Variants in KCNQ5 observed in about 807,000 individuals in gnomAD.
KCNQ5 encodes potassium voltage-gated channel subfamily KQT member 5.
Under a neutral mutation model 98.2 loss-of-function variants are expected in KCNQ5, and 30 were observed. The ratio of observed to expected loss-of-function variants is 0.31; its 90% CI spans 0.23 to 0.41. KCNQ5 has a LOEUF of 0.41. KCNQ5 is among the 10% of genes least tolerant of loss of function. KCNQ5 has a pLI of 1.00. For missense variants in KCNQ5, 835 were observed against 1,182.5 expected (o/e 0.71, Z 4.31); for synonymous variants, 458 against 449.4 (o/e 1.02, Z -0.24).
At chr6:73,075,433 G>A (rs1773493509) in intron 3 of KCNQ5, among the ~76,000 whole-genome samples, 1 of 152,104 alleles carries the variant, frequency 6.6e-6, no homozygotes, top group Non-Finnish European at 1.5e-5. Flanking sequence ...ATGTTGGCCA[G>A]GATGGTCTCG....
intron 5 of KCNQ5, among the ~76,000 whole-genome samples, chr6:73,088,481 T>C (rs1774085760): frequency 6.6e-6 from 1 of 152,220 alleles, no homozygotes; most frequent in African/African-American, 2.4e-5. Context: ...CTTCTCTGAC[T>C]TTCCTTTCCC....
intron 1 of KCNQ5, among the ~76,000 whole-genome samples, chr6:72,746,392 T>C (rs1771410049): frequency 6.6e-6 from 1 of 152,132 alleles, no homozygotes; most frequent in Non-Finnish European, 1.5e-5. Context: ...ATTTTCTCCG[T>C]GCAACTTGTT....
At chr6:73,004,894 G>A (rs1484466774) in intron 2 of KCNQ5, among the ~76,000 whole-genome samples, 1 of 152,188 alleles carries the variant, frequency 6.6e-6, no homozygotes, top group African/African-American at 2.4e-5. Flanking sequence ...ATAAGCAGAG[G>A]TTGGTTATGT....
At chr6:72,690,414 C>A (rs1471158752) in intron 1 of KCNQ5, among the ~76,000 whole-genome samples, 1 of 152,092 alleles carries the variant, frequency 6.6e-6, no homozygotes, top group Non-Finnish European at 1.5e-5. Context: ...GGTTCCCACT[C>A]TTCTCTTTGC....
chr6:72,998,594 G>A (rs771518528), intron 1 of KCNQ5, among the ~76,000 whole-genome samples: 3 of 151,936 alleles, frequency 2.0e-5, no homozygotes, highest in Non-Finnish European at 2.9e-5. Flanking sequence ...AGCATTAGCC[G>A]GGCTTGGTGG....
intron 10 of KCNQ5, chr6:73,135,244 G>A (rs1776415868): frequency 1.3e-5 from 2 of 151,788 alleles, no homozygotes; most frequent in African/African-American, 2.4e-5. Context: ...TGTATCTATA[G>A]GAACAAGTCT....
intron 1 of KCNQ5, among the ~76,000 whole-genome samples, chr6:72,833,180 T>C (rs561078629): frequency 3.2e-4 from 48 of 152,326 alleles, no homozygotes; most frequent in African/African-American, 1.2e-3. Context: ...AACTTCTCTG[T>C]GTGGCATTTT....
chr6:72,867,021 T>C (rs1211729300), intron 1 of KCNQ5, among the ~76,000 whole-genome samples: 1 of 152,212 alleles, frequency 6.6e-6, no homozygotes, highest in African/African-American at 2.4e-5. Flanking sequence ...CCACAACTGA[T>C]ATAGGCATAT....
At chr6:73,024,113 G>A (rs1770746818) in intron 2 of KCNQ5, among the ~76,000 whole-genome samples, 1 of 152,092 alleles carries the variant, frequency 6.6e-6, no homozygotes, top group Non-Finnish European at 1.5e-5. Context: ...GGAATGTCTT[G>A]CTCTTGACAA....
chr6:72,959,801 G>A (rs952679315), intron 1 of KCNQ5, among the ~76,000 whole-genome samples: 1 of 152,118 alleles, frequency 6.6e-6, no homozygotes, highest in Non-Finnish European at 1.5e-5. Context: ...TGAGAATCCG[G>A]GAGATTCACG....
At chr6:73,121,850 G>A (rs927559988) in intron 8 of KCNQ5, among the ~76,000 whole-genome samples, 20 of 152,186 alleles carry the variant, frequency 1.3e-4, no homozygotes, top group Non-Finnish European at 1.5e-5. Context: ...AGAAGGACAA[G>A]AGTTGGGCAA....
intron 1 of KCNQ5, among the ~76,000 whole-genome samples, chr6:72,827,931 T>G (rs1323037662): frequency 3.3e-5 from 5 of 152,176 alleles, no homozygotes; most frequent in Admixed American, 6.6e-5. Context: ...AAGTCTAGTT[T>G]TATTCTTCTG....
At chr6:73,092,091 T>G (rs1453487750) in intron 5 of KCNQ5, among the ~76,000 whole-genome samples, 2 of 150,758 alleles carry the variant, frequency 1.3e-5, no homozygotes, top group Non-Finnish European at 3.0e-5. Context: ...TTTTTTTTTG[T>G]TTGTTTGTTT....
chr6:72,724,273 A>G (rs185352378), intron 1 of KCNQ5, among the ~76,000 whole-genome samples: 2 of 152,306 alleles, frequency 1.3e-5, no homozygotes, highest in African/African-American at 2.4e-5. Context: ...GCCAATTCCT[A>G]TAAGAAGAAA....
intron 6 of KCNQ5, among the ~76,000 whole-genome samples, chr6:73,107,611 A>G (rs1001843173): frequency 6.6e-6 from 1 of 152,170 alleles, no homozygotes; most frequent in Non-Finnish European, 1.5e-5. Context: ...CAGCACAGCA[A>G]AAAGGCAGTC....
At position 73,195,606 on chromosome 6, in the gene KCNQ5, G is replaced by A. The variant is rs577394107; in HGVS notation, c.*192G>A. The A allele has an allele frequency of 4.2e-5, 28 of 665,922 alleles. No homozygotes were observed. The highest frequency in any genetic ancestry group is 6.0e-5 in the Admixed American group (2 of 33,444). 41.3% of individuals were successfully genotyped at this position (665,922 alleles called of 1,614,324 possible). A position where few individuals can be genotyped will look rare whatever the true frequency, so the allele number is the denominator to read the frequency against. On this transcript the variant is annotated 3_prime_UTR_variant, in exon 14 of 14. Transcript: ENST00000370398. ...GATGGCTAAAATTCCAAGGTGCATC[G>A]ACATTAACCCACTCATTTAGTAATG...
chr6:73,120,476 C>A lies in KCNQ5; in HGVS notation c.1126-7C>A. 1 of 1,604,598 alleles carries A rather than the reference C, an allele frequency of 6.2e-7. No homozygotes were observed. The highest frequency in any genetic ancestry group is 8.5e-7 in the Non-Finnish European group (1 of 1,172,904). The stretch of plus-strand genomic sequence containing the variant: ...CTTTTTCATGTCCCCATCTATGCCA[C>A]ATGCAGTGTGTTTGGCGTAGTTACG... On this transcript the variant is annotated splice_region_variant and splice_polypyrimidine_tract_variant and intron_variant, in intron 7 of 13. Transcript: ENST00000370398.
chr6:73,138,720 C>T (rs557360616), intron 10 of KCNQ5, among the ~76,000 whole-genome samples: 7 of 152,178 alleles, frequency 4.6e-5, no homozygotes, highest in Admixed American at 6.5e-5. Context: ...ATGGGAAAAA[C>T]TGGCACAGCC....
chr6:72,655,753 TA>T (rs1164157490), intron 1 of KCNQ5, among the ~76,000 whole-genome samples: 2 of 152,158 alleles, frequency 1.3e-5, no homozygotes, highest in African/African-American at 4.8e-5. Context: ...GAAGAGCCAT[TA>T]ATGGATTTTG....
Sources: gnomAD v4.1 joint callset for allele counts (sites outside exome capture counted in the v4.1 genomes callset) on GRCh38, gnomAD v4.1.1 for gene constraint, MANE v1.5 for transcripts, NCBI Gene and HGNC (gene_info 2026-07-23, HGNC 2026-07-21) for gene names.